Variants in ARHGEF10 observed in about 807,000 individuals in gnomAD.
The protein encoded by ARHGEF10 is Rho guanine nucleotide exchange factor (GEF) 10.
A neutral mutation model predicts 147.4 loss-of-function variants in ARHGEF10; 140 were observed. That is an observed-to-expected ratio of 0.95 (90% CI 0.83 to 1.09). The LOEUF is 1.09. Ranked by LOEUF, ARHGEF10 falls within the 50% of genes least tolerant of loss-of-function variation. The pLI is 0.00. For synonymous variants in ARHGEF10, 902 were observed against 695.8 expected (o/e 1.30, Z -4.67); for missense variants, 2,222 against 1,752.7 (o/e 1.27, Z -4.78).
At chr8:1,919,389 A>C (rs1262274684) in intron 18 of ARHGEF10, among the ~76,000 whole-genome samples, 1 of 136,650 alleles carries the variant, frequency 7.3e-6, no homozygotes, top group Non-Finnish European at 1.5e-5. Flanking sequence ...TGGGTGATGG[A>C]GCTGTTCCAT....
chr8:1,851,174 G>T (rs548625771), intron 2 of ARHGEF10, among the ~76,000 whole-genome samples: 3 of 148,146 alleles, frequency 2.0e-5, no homozygotes, highest in African/African-American at 5.0e-5. Context: ...CACACCGTGG[G>T]CTTTAGTTAG....
rs1809600624 is a variant in ARHGEF10, at chr8:1,892,298, TGTGTGTG to T, written c.1183-1270_1183-1264del. On this transcript the variant is annotated intron_variant, in intron 11 of 28. Coordinates refer to ENST00000349830, the MANE Select transcript of ARHGEF10 (RefSeq NM_014629.4). Reference sequence around the variant, plus strand: ...GGCTCTGTGTGTGTGTGTGTGTGTGTGTGTGTGTGTGTGTGTGTGTGTGTGTGTGTTT... The same window carrying T: ...GGCTCTGTGTGTGTGTGTGTGTGTGTTGTGTGTGTGTGTGTGTGTGTGTTT... Among the ~76,000 whole-genome samples the T allele has an allele frequency of 3.3e-5, 5 of 149,800 alleles. No individual in the cohort carries two copies. In the South Asian group the frequency reaches 8.4e-4, roughly 25 times the overall value.
At chr8:1,903,783 AG>A (rs1269691320) in intron 16 of ARHGEF10, 24 of 382,540 alleles carry the variant, frequency 6.3e-5, no homozygotes, top group African/African-American at 1.2e-4. Flanking sequence ...AATTTCAGAT[AG>A]TAATAGTTAA....
intron 2 of ARHGEF10, among the ~76,000 whole-genome samples, chr8:1,854,473 C>G (rs1229249504): frequency 6.6e-6 from 1 of 152,212 alleles, no homozygotes; most frequent in Non-Finnish European, 1.5e-5. Context: ...TTGTAACACA[C>G]ATCATTCTGC....
intron 8 of ARHGEF10, among the ~76,000 whole-genome samples, chr8:1,878,734 G>A (rs533716191): frequency 6.6e-6 from 1 of 152,312 alleles, no homozygotes; most frequent in Admixed American, 6.5e-5. Flanking sequence ...TAGTAATTCA[G>A]GAGACCCTGC....
chr8:1,905,810 G>C, intron 17 of ARHGEF10, 94 bp downstream of exon 17: 3 of 1,518,398 alleles, frequency 2.0e-6, no homozygotes, highest in South Asian at 2.3e-5. Context: ...CTGTCACTCA[G>C]ACTGAACTGG....
rs534556884 is a variant in ARHGEF10, at chr8:1,891,769, A to C, written c.1183-1800A>C. On this transcript the variant is annotated intron_variant, in intron 11 of 28. Transcript: ENST00000349830. ...CTGGAGGCTCCCTGTCCCACCCCTT[A>C]GTGGGCATATAATTTGACGTGTCAG... is the stretch of plus-strand genomic sequence containing the variant. Among the ~76,000 whole-genome samples the C allele has an allele frequency of 5.9e-5, 9 of 152,170 alleles. No homozygotes were observed. The South Asian group carries it at 1.9e-3, about 32-fold the overall frequency.
chr8:1,912,576 C>T (rs1811449243), intron 18 of ARHGEF10, among the ~76,000 whole-genome samples: 1 of 111,210 alleles, frequency 9.0e-6, no homozygotes, highest in Admixed American at 8.3e-5. Context: ...CTCCCTGTCC[C>T]TGCAAAAGCG....
intron 2 of ARHGEF10, among the ~76,000 whole-genome samples, chr8:1,845,827 A>G (rs1804515879): frequency 6.6e-6 from 1 of 152,136 alleles, no homozygotes; most frequent in African/African-American, 2.4e-5. Context: ...CTTTGTGTGT[A>G]GTTGTGCTAA....
intron 6 of ARHGEF10, among the ~76,000 whole-genome samples, chr8:1,868,156 T>C (rs143050712): frequency 4.6e-5 from 7 of 152,210 alleles, no homozygotes; most frequent in African/African-American, 1.7e-4. Flanking sequence ...AGATAGTAAA[T>C]GCTATTAAAA....
rs559167898 is a variant in ARHGEF10 at position 1,947,793 on chromosome 8, C to T, written c.3397+2138C>T. 1.0e-4 allele frequency among the ~76,000 whole-genome samples: 15 copies of T among 150,544 alleles called. No individual in the cohort carries two copies. In the South Asian group the frequency reaches 1.5e-3, roughly 15 times the overall value. On this transcript the variant is annotated intron_variant, in intron 27 of 28. Transcript: ENST00000349830. ...CCCGCTGTCAGCTGCCTCTCCCGCC[C>T]GCCTCCCTACTGCTGCTGCTCGAAA...
At chr8:1,829,242 G>C (rs1478212973) in intron 1 of ARHGEF10, among the ~76,000 whole-genome samples, 2 of 152,262 alleles carry the variant, frequency 1.3e-5, no homozygotes, top group African/African-American at 4.8e-5. Flanking sequence ...TGGTTCAGAA[G>C]CTCCGTATGT....
chr8:1,848,388 C>G (rs1386688293), intron 2 of ARHGEF10, among the ~76,000 whole-genome samples: 1 of 152,180 alleles, frequency 6.6e-6, no homozygotes, highest in Non-Finnish European at 1.5e-5. Flanking sequence ...ACTCAGCTCT[C>G]CGACTCCAGA....
chr8:1,903,793 A>G (rs1585474665), intron 16 of ARHGEF10: 1 of 362,810 alleles, frequency 2.8e-6, no homozygotes, highest in South Asian at 2.4e-5. Context: ...AGTAATAGTT[A>G]AAGCTGAAAA....
upstream of ARHGEF10, among the ~76,000 whole-genome samples, chr8:1,823,623 C>T (rs1460270878): frequency 1.3e-5 from 2 of 151,146 alleles, no homozygotes; most frequent in African/African-American, 2.4e-5. Context: ...ATGTTGGGGG[C>T]GGGGAGGGCA....
Position 1,952,781 on chromosome 8 carries a change from C to A in ARHGEF10, c.3474C>A (p.Leu1158=), listed in dbSNP as rs778790364. 8 of 1,613,614 alleles carry A rather than the reference C, an allele frequency of 5.0e-6. No homozygotes were observed. Among genetic ancestry groups the A allele is most frequent in the Middle Eastern group, 3.3e-4 (2 of 6,060 alleles). Residue 1158 remains leucine (L), a synonymous_variant, in exon 28 of 29, where the codon CTC becomes CTA. Transcript: ENST00000349830. ...TGGTCGGCACCAGCCTGGGAGTCCT[C>A]GTGGCCCTGCCGGTCCCACGTCTGC... The part of the protein sequence containing the change: ...LLMVGTSLGV[L]VALPVPRLQG...
chr8:1,873,340 G>A lies in ARHGEF10; in HGVS notation c.680-3231G>A, dbSNP rs1327521160. Among the ~76,000 whole-genome samples, 4 of 152,346 alleles carry A rather than the reference G, an allele frequency of 2.6e-5. No homozygotes were observed. The East Asian group carries it at 7.7e-4, about 29-fold the overall frequency. On this transcript the variant is annotated intron_variant, in intron 7 of 28. Transcript: ENST00000349830. ...AGAAAAACGAGGAAATTATATGTGT[G>A]TATGTTTATAAGAACTCAGAAGCAA...
intron 26 of ARHGEF10, among the ~76,000 whole-genome samples, chr8:1,942,334 C>A (rs566839334): frequency 1.3e-4 from 20 of 151,258 alleles, no homozygotes; most frequent in African/African-American, 4.9e-4. Context: ...GATGTACAGT[C>A]GACCCATAGG....
upstream of ARHGEF10, among the ~76,000 whole-genome samples, chr8:1,823,492 C>T (rs2129023558): frequency 6.6e-6 from 1 of 152,080 alleles, no homozygotes; most frequent in African/African-American, 2.4e-5. Context: ...CTCAGGTGAG[C>T]TCAGCCCGTG....
Sources: allele counts gnomAD v4.1 joint callset (sites outside exome capture counted in the v4.1 genomes callset), GRCh38; gene constraint gnomAD v4.1.1; transcripts MANE v1.5; gene names NCBI Gene and HGNC (gene_info 2026-07-23, HGNC 2026-07-21).